TIAM1: variants seen among roughly 807,000 people sequenced by gnomAD.
The protein encoded by TIAM1 is TIAM Rac1 associated GEF 1, also known as rho guanine nucleotide exchange factor TIAM1.
Under a neutral mutation model 163.5 loss-of-function variants are expected in TIAM1, and 65 were observed. The ratio of observed to expected loss-of-function variants is 0.40; its 90% confidence interval spans 0.33 to 0.49. The LOEUF is 0.49. TIAM1 is among the 20% of genes least tolerant of loss of function. TIAM1 has a pLI of 0.77. For missense variants in TIAM1, 1,789 were observed against 2,044.7 expected, an observed-to-expected ratio of 0.87 and a Z score of 2.41; for synonymous variants, 833 against 810.1, an observed-to-expected ratio of 1.03 and a Z score of -0.48.
In TIAM1 at chr21:31,468,149, C is replaced by T. The variant is rs956451454; in HGVS notation, c.-421-4114G>A. 3.4e-4 allele frequency among the ~76,000 whole-genome samples: 51 copies of T among 151,040 alleles called. 1 individual carries two copies. The highest frequency in any genetic ancestry group is 1.7e-3 in the Admixed American group (26 of 15,132). ...GCTGCCTTTCTTGATCTCAAAAGTG[C>T]GATCTACTTGCTGGGCAGAGGTTAT... On this transcript the variant is annotated intron_variant, in intron 1 of 28. Transcript: ENST00000286827.
intron 1 of TIAM1, among the ~76,000 whole-genome samples, chr21:31,549,485 A>T (rs1041084371): frequency 2.6e-5 from 4 of 151,726 alleles, no homozygotes; most frequent in African/African-American, 7.3e-5. Context: ...AAAAAAAATT[A>T]AAAATGAGCA....
At chr21:31,287,831 A>G (rs1425847877) in intron 2 of TIAM1, among the ~76,000 whole-genome samples, 1 of 152,178 alleles carries the variant, frequency 6.6e-6, no homozygotes, top group Non-Finnish European at 1.5e-5. Context: ...TTATTATGGG[A>G]GTTACATGAT....
At chr21:31,286,618 C>G (rs913994029) in intron 2 of TIAM1, among the ~76,000 whole-genome samples, 11 of 152,002 alleles carry the variant, frequency 7.2e-5, no homozygotes, top group Non-Finnish European at 1.5e-4. Flanking sequence ...ATGGCTTGCC[C>G]GGGAGGATCA....
At chr21:31,529,272 G>GA (rs922528863) in intron 1 of TIAM1, among the ~76,000 whole-genome samples, 5 of 150,308 alleles carry the variant, frequency 3.3e-5, no homozygotes, top group East Asian at 1.9e-4. Flanking sequence ...GGGAAAGGTG[G>GA]AAAAAAAAAG....
intron 2 of TIAM1, among the ~76,000 whole-genome samples, chr21:31,424,789 G>A (rs979490834): frequency 4.6e-5 from 7 of 152,194 alleles, no homozygotes; most frequent in Non-Finnish European, 7.3e-5. Flanking sequence ...AGTGGCTCAC[G>A]CCTATAATCC....
chr21:31,552,561 G>A (rs2048728762), intron 1 of TIAM1, among the ~76,000 whole-genome samples: 2 of 152,074 alleles, frequency 1.3e-5, no homozygotes, highest in Non-Finnish European at 2.9e-5. Context: ...ATCACCTGAG[G>A]TCAGGAGTTC....
intron 2 of TIAM1, among the ~76,000 whole-genome samples, chr21:31,309,024 A>C (rs1305089077): frequency 7.0e-6 from 1 of 142,506 alleles, no homozygotes; most frequent in Non-Finnish European, 1.5e-5. Context: ...TTACAAGCTC[A>C]ATGACCTCCA....
intron 2 of TIAM1, among the ~76,000 whole-genome samples, chr21:31,295,938 C>G (rs2074244209): frequency 6.6e-6 from 1 of 152,148 alleles, no homozygotes; most frequent in South Asian, 2.1e-4. Context: ...GCTAGGATTA[C>G]AGGCATACAA....
intron 15 of TIAM1, among the ~76,000 whole-genome samples, chr21:31,179,712 C>A (rs1039867705): frequency 1.3e-5 from 2 of 151,916 alleles, no homozygotes; most frequent in Non-Finnish European, 2.9e-5. Flanking sequence ...AAAACTCCAC[C>A]ACACAAAAGA....
intron 1 of TIAM1, among the ~76,000 whole-genome samples, chr21:31,555,497 C>T (rs190787473): frequency 9.2e-5 from 14 of 152,148 alleles, no homozygotes; most frequent in African/African-American, 2.7e-4. Context: ...GATCGTAAAA[C>T]GAGGCTCTTT....
intron 6 of TIAM1, among the ~76,000 whole-genome samples, chr21:31,241,003 T>G (rs2037616942): frequency 6.6e-6 from 1 of 152,132 alleles, no homozygotes; most frequent in Admixed American, 6.5e-5. Context: ...ATAGTAAGTC[T>G]CATGAAATCT....
In TIAM1 at chr21:31,442,064, T is replaced by TAAAAAAAAAA. The variant is rs1250832519; in HGVS notation, c.-369+21918_-369+21919insTTTTTTTTTT. ...AAATGAGACCCTATCTCAGAACAAA[T>TAAAAAAAAAA]AAATAAATATATATATATATATAGA... On this transcript the variant is annotated intron_variant, in intron 2 of 28. Coordinates refer to the TIAM1 transcript ENST00000286827. Among the ~76,000 whole-genome samples the TAAAAAAAAAA allele has an allele frequency of 4.5e-4, 38 of 84,670 alleles. 2 individuals carry two copies. The highest frequency in any genetic ancestry group is 1.7e-3 in the African/African-American group (34 of 19,662). The allele number at this position is 84,670 out of a possible 152,430, so 55.5% of individuals were successfully genotyped here.
chr21:31,261,786 T>C (rs1247442473), intron 4 of TIAM1, among the ~76,000 whole-genome samples: 2 of 152,190 alleles, frequency 1.3e-5, no homozygotes, highest in Non-Finnish European at 2.9e-5. Context: ...CTAGGGATGC[T>C]GCTGTGTCTG....
chr21:31,477,825 G>GT (rs2045983537), intron 1 of TIAM1, among the ~76,000 whole-genome samples: 1 of 152,188 alleles, frequency 6.6e-6, no homozygotes, highest in Non-Finnish European at 1.5e-5. Flanking sequence ...CAGCATGTTG[G>GT]TATCATGGCA....
At chr21:31,186,856 A>AT in intron 14 of TIAM1, 145 bp downstream of exon 14, 1 of 718,434 alleles carries the variant, frequency 1.4e-6, no homozygotes, top group Non-Finnish European at 2.4e-6. Context: ...AATAAAATGC[A>AT]TATTCCCTGG....
intron 2 of TIAM1, among the ~76,000 whole-genome samples, chr21:31,410,543 A>C (rs921768027): frequency 6.6e-5 from 10 of 150,550 alleles, no homozygotes; most frequent in Admixed American, 2.0e-4. Context: ...GTTTATGTAT[A>C]AGTGTGAGCA....
intron 1 of TIAM1, among the ~76,000 whole-genome samples, chr21:31,529,558 T>C (rs904244046): frequency 1.3e-5 from 2 of 152,182 alleles, no homozygotes; most frequent in African/African-American, 2.4e-5. Flanking sequence ...TATCAGCAAA[T>C]GGATTTCCTT....
intron 2 of TIAM1, among the ~76,000 whole-genome samples, chr21:31,307,790 T>C (rs1324042135): frequency 2.0e-5 from 3 of 152,116 alleles, no homozygotes; most frequent in Admixed American, 2.0e-4. Flanking sequence ...ACAGGCTCCA[T>C]CCTGTTCAGG....
intron 2 of TIAM1, among the ~76,000 whole-genome samples, chr21:31,279,661 G>A (rs534642659): frequency 1.3e-5 from 2 of 152,284 alleles, no homozygotes; most frequent in Admixed American, 6.5e-5. Flanking sequence ...GTTGTCATGA[G>A]CATTAAATGA....
Sources: gnomAD v4.1 joint callset for allele counts (sites outside exome capture counted in the v4.1 genomes callset) on GRCh38, gnomAD v4.1.1 for gene constraint, MANE v1.5 for transcripts, NCBI Gene and HGNC (gene_info 2026-07-23, HGNC 2026-07-21) for gene names.